The following CD80 variants were observed in gnomAD, a reference collection of about 807,000 sequenced individuals.
The protein encoded by CD80 is CD80 molecule.
Under a neutral mutation model 27.1 loss-of-function variants are expected in CD80, and 13 were observed. The ratio of observed to expected loss-of-function variants is 0.48; its 90% confidence interval spans 0.31 to 0.76. The LOEUF is 0.76. CD80 is among the 30% of genes least tolerant of loss of function. CD80 has a pLI of 0.04. For synonymous variants in CD80, 125 were observed against 125.5 expected, an observed-to-expected ratio of 1.00 and a Z score of 0.03; for missense variants, 277 against 347.9, an observed-to-expected ratio of 0.80 and a Z score of 1.62.
chr3:119,558,671 G>A (rs1328484621), intron 1 of CD80, among the ~76,000 whole-genome samples: 1 of 151,336 alleles, frequency 6.6e-6, no homozygotes, highest in Non-Finnish European at 1.5e-5. Flanking sequence ...GCTGAGGCAC[G>A]AGAATTGCTT....
At chr3:119,544,368 G>C (rs2082188267) in intron 3 of CD80, 182 bp downstream of exon 3, 1 of 601,186 alleles carries the variant, frequency 1.7e-6, no homozygotes, top group Non-Finnish European at 3.0e-6. Flanking sequence ...CACATTAACA[G>C]ATATTTCCAG....
Position 119,557,744 on chromosome 3 carries a change from G to T in CD80, c.-16C>A, listed in dbSNP as rs1359547317. 6.3e-7 allele frequency: 1 copy of T among 1,596,066 alleles called. No homozygotes were observed. The highest frequency in any genetic ancestry group is 1.1e-5 in the South Asian group (1 of 89,114). On this transcript the variant is annotated 5_prime_UTR_variant, in exon 2 of 7. Transcript: ENST00000264246. ...TGTGGCCCATGGCTTCAGATGCTTA[G>T]GGTCAAAAGTGAAAGCCAACAATTT...
intron 2 of CD80, among the ~76,000 whole-genome samples, chr3:119,554,590 G>A (rs1408430128): frequency 6.6e-6 from 1 of 152,174 alleles, no homozygotes; most frequent in East Asian, 1.9e-4. Context: ...TGAAAGAGGA[G>A]TCCCTTCCCC....
rs539665330 is a variant in CD80 at position 119,528,787 on chromosome 3, G to T, written c.797-946C>A. On this transcript the variant is annotated intron_variant, in intron 5 of 6. Transcript: ENST00000264246. ...AAATACAAAAAAAAATTAGTCAGGC[G>T]TGGCAGCACGCACCTGTAGTCCCAG... Among the ~76,000 whole-genome samples the T allele has an allele frequency of 3.9e-5, 6 of 151,920 alleles. No homozygotes were observed. In the South Asian group the frequency reaches 1.2e-3, roughly 32 times the overall value.
rs961537742 is a variant in CD80, at chr3:119,525,218, A to G, written c.*570T>C. The G allele has an allele frequency of 6.6e-6, 1 of 152,226 alleles. No individual in the cohort carries two copies. The highest frequency in any genetic ancestry group is 2.4e-5 in the African/African-American group (1 of 41,466). 9.4% of individuals were successfully genotyped at this position (152,226 alleles called of 1,614,324 possible). On this transcript the variant is annotated 3_prime_UTR_variant, in exon 7 of 7. Coordinates refer to ENST00000264246, the MANE Select transcript of CD80 (RefSeq NM_005191.4). ...CTGGGTAAACACCAATAATATTTCC[A>G]TTAGTCTCCTAAAGATGTTCATGCC...
At position 119,538,892 on chromosome 3, in the gene CD80, C is replaced by T. The variant is rs191996708; in HGVS notation, c.419-1474G>A. ...GCATTGTGTGCGTGTGAGTGGGGGG[C>T]AGGCATTGAACTATAGTCATGAGCT... On this transcript the variant is annotated intron_variant, in intron 3 of 6. Transcript: ENST00000264246. 4.6e-3 allele frequency among the ~76,000 whole-genome samples: 695 copies of T among 152,250 alleles called. 3 individuals carry two copies. The highest frequency in any genetic ancestry group is 7.9e-3 in the Non-Finnish European group (540 of 68,024).
intron 4 of CD80, among the ~76,000 whole-genome samples, chr3:119,534,387 GAAAA>G (rs1480500831): frequency 7.2e-6 from 1 of 138,254 alleles, no homozygotes; most frequent in African/African-American, 2.6e-5. Context: ...AAAAAAAAAA[GAAAA>G]AGAAAAAAAA....
chr3:119,532,214 A>G (rs569711114), intron 4 of CD80, among the ~76,000 whole-genome samples: 1 of 152,136 alleles, frequency 6.6e-6, no homozygotes, highest in Non-Finnish European at 1.5e-5. Flanking sequence ...TTGAAATGCC[A>G]TCTGAGGCTG....
chr3:119,529,248 C>G (rs111325398), intron 5 of CD80, among the ~76,000 whole-genome samples: 66 of 152,264 alleles, frequency 4.3e-4, no homozygotes, highest in African/African-American at 1.5e-3. Flanking sequence ...CCCCACCCAG[C>G]CCAAGAACTG....
chr3:119,542,503 T>G lies in CD80; in HGVS notation c.418+2047A>C, dbSNP rs770214810. 1.2e-4 allele frequency among the ~76,000 whole-genome samples: 18 copies of G among 152,270 alleles called. 1 individual carries two copies. The Middle Eastern group carries it at 0.017, about 144-fold the overall frequency. ...GGGGAAAAAGAAATATGTTCAAATT[T>G]CAACTGTGAGAAAATGGCTCAGGGA... On this transcript the variant is annotated intron_variant, in intron 3 of 6. Transcript: ENST00000264246.
chr3:119,552,333 AT>A (rs1297654263), intron 2 of CD80, among the ~76,000 whole-genome samples: 1 of 151,958 alleles, frequency 6.6e-6, no homozygotes, highest in African/African-American at 2.4e-5. Flanking sequence ...TACAAAAAAA[AT>A]AAATTAGCCA....
intron 4 of CD80, among the ~76,000 whole-genome samples, chr3:119,535,067 C>T (rs2075763511): frequency 6.6e-6 from 1 of 152,018 alleles, no homozygotes; most frequent in Admixed American, 6.6e-5. Context: ...TGGCTGGCAC[C>T]TGTAGTCCCA....
chr3:119,537,530 A>C, intron 3 of CD80, 112 bp from the exon 4 acceptor site: 1 of 741,864 alleles, frequency 1.3e-6, no homozygotes, highest in Non-Finnish European at 2.1e-6. Flanking sequence ...GGCCAGGTGC[A>C]GTGGCTCACT....
At chr3:119,558,852 G>A (rs2082278093) in intron 1 of CD80, among the ~76,000 whole-genome samples, 1 of 151,752 alleles carries the variant, frequency 6.6e-6, no homozygotes, top group Non-Finnish European at 1.5e-5. Flanking sequence ...ATTGAGAAAT[G>A]AAAATAAACA....
intron 3 of CD80, among the ~76,000 whole-genome samples, chr3:119,543,038 C>T (rs902624588): frequency 1.1e-3 from 161 of 152,172 alleles, no homozygotes; most frequent in African/African-American, 3.7e-3. Context: ...CCTATGGTAT[C>T]ATCCCTGACC....
chr3:119,559,043 T>C (rs1436727978), intron 1 of CD80, among the ~76,000 whole-genome samples: 2 of 152,172 alleles, frequency 1.3e-5, no homozygotes, highest in Non-Finnish European at 2.9e-5. Flanking sequence ...TTCACCAGAA[T>C]TTGTTTTTCT....
In CD80 at chr3:119,537,374, A is replaced by G; in HGVS notation, c.463T>C (p.Ser155Pro). 1 of 1,612,976 alleles carries G rather than the reference A, an allele frequency of 6.2e-7. No individual in the cohort carries two copies. Among genetic ancestry groups the G allele is most frequent in the Non-Finnish European group, 8.5e-7 (1 of 1,178,962 alleles). Reference protein sequence around the residue: ...PSISDFEIPTSNIRRIICSTS... With the variant: ...PSISDFEIPTPNIRRIICSTS... ...GAGCAAATTATCCTTCTAATATTAG[A>G]AGTTGGAATTTCAAAGTCAGATATA... The change falls in exon 4 of 7, where the codon TCT (serine) becomes CCT (proline). Residue 155 changes from serine (S) to proline (P), a missense_variant. Ser to Pro is a moderately conservative substitution (Grantham distance 74). Coordinates refer to ENST00000264246, the MANE Select transcript of CD80 (RefSeq NM_005191.4).
intron 4 of CD80, 21 bp downstream of exon 4, chr3:119,537,116 C>G: frequency 6.2e-7 from 1 of 1,603,838 alleles, no homozygotes; most frequent in Non-Finnish European, 8.5e-7. Context: ...AGTAGAAACT[C>G]CCCAGAACAA....
In CD80 at chr3:119,537,429, A is replaced by G; in HGVS notation, c.419-11T>C. Reference sequence around the variant, plus strand: ...GTGTAGGGAAGTCAGCTAAAGAAAGAACAAGAATATATAATTACGTATAGT... The same window carrying G: ...GTGTAGGGAAGTCAGCTAAAGAAAGGACAAGAATATATAATTACGTATAGT... On this transcript the variant is annotated splice_polypyrimidine_tract_variant and intron_variant, in intron 3 of 6. Transcript: ENST00000264246. 1 of 1,550,402 alleles carries G rather than the reference A, an allele frequency of 6.4e-7. No homozygotes were observed. Among genetic ancestry groups the G allele is most frequent in the South Asian group, 1.1e-5 (1 of 89,484 alleles).
Sources: gnomAD v4.1 joint callset for allele counts (sites outside exome capture counted in the v4.1 genomes callset) on GRCh38, gnomAD v4.1.1 for gene constraint, MANE v1.5 for transcripts, NCBI Gene and HGNC (gene_info 2026-07-23, HGNC 2026-07-21) for gene names.